Variants in LRCH1 observed in about 807,000 individuals in gnomAD.
LRCH1 encodes leucine rich repeats and calponin homology domain containing 1.
LRCH1 carries 23 observed loss-of-function variants against 94.9 expected under a neutral mutation model. The observed-to-expected ratio is 0.24, with a 90% CI of 0.17 to 0.34. LRCH1 has a LOEUF of 0.34. Among genes scored for constraint, LRCH1 ranks in the 10% least tolerant of loss-of-function variants. The pLI is 1.00. For synonymous variants in LRCH1, 364 were observed against 354.9 expected (o/e 1.03, Z -0.29); for missense variants, 790 against 945.9 (o/e 0.84, Z 2.16).
intron 1 of LRCH1, among the ~76,000 whole-genome samples, chr13:46,604,630 CCTCTGATGTT>C (rs1469879060): frequency 6.6e-6 from 1 of 152,176 alleles, no homozygotes; most frequent in Non-Finnish European, 1.5e-5. Context: ...CTGCCCTCAG[CCTCTGATGTT>C]CTACAAGGTT....
chr13:46,580,239 C>G (rs1251801807), intron 1 of LRCH1, among the ~76,000 whole-genome samples: 1 of 152,196 alleles, frequency 6.6e-6, no homozygotes. Context: ...CTGATCATAT[C>G]TCTTGTCATC....
intron 1 of LRCH1, among the ~76,000 whole-genome samples, chr13:46,563,049 C>A (rs1014039714): frequency 6.6e-6 from 1 of 151,404 alleles, no homozygotes; most frequent in Non-Finnish European, 1.5e-5. Context: ...TGCAAGTGTT[C>A]GATAAGCAAT....
intron 1 of LRCH1, among the ~76,000 whole-genome samples, chr13:46,616,690 A>G (rs1048210675): frequency 6.6e-6 from 1 of 152,210 alleles, no homozygotes; most frequent in Non-Finnish European, 1.5e-5. Flanking sequence ...TGCCTTTTAG[A>G]GACGGCACCA....
chr13:46,746,133 G>T (rs1873901197), downstream of LRCH1, among the ~76,000 whole-genome samples: 1 of 152,210 alleles, frequency 6.6e-6, no homozygotes, highest in Admixed American at 6.5e-5. Flanking sequence ...GACACATGTA[G>T]TTCAAACCCT....
chr13:46,662,060 A>C (rs1363920274), intron 2 of LRCH1, among the ~76,000 whole-genome samples: 1 of 152,118 alleles, frequency 6.6e-6, no homozygotes, highest in Non-Finnish European at 1.5e-5. Flanking sequence ...AAAATACAAA[A>C]ATTAGCTGGG....
chr13:46,598,585 T>G (rs1166523394), intron 1 of LRCH1, among the ~76,000 whole-genome samples: 1 of 112,900 alleles, frequency 8.9e-6, no homozygotes, highest in Non-Finnish European at 1.8e-5. Flanking sequence ...GTTTCACCAC[T>G]AACAACAACA....
intron 1 of LRCH1, among the ~76,000 whole-genome samples, chr13:46,607,208 C>T (rs1020581836): frequency 6.6e-6 from 1 of 152,160 alleles, no homozygotes; most frequent in African/African-American, 2.4e-5. Flanking sequence ...TTAACTTGCC[C>T]TGTAATTGAT....
At chr13:46,695,955 C>T (rs987996825) in intron 9 of LRCH1, among the ~76,000 whole-genome samples, 4 of 152,186 alleles carry the variant, frequency 2.6e-5, no homozygotes, top group African/African-American at 7.2e-5. Flanking sequence ...TTATAGATTA[C>T]AGAAGTTGTG....
intron 1 of LRCH1, among the ~76,000 whole-genome samples, chr13:46,646,012 C>T (rs9562675): frequency 1.3e-5 from 2 of 152,142 alleles, no homozygotes; most frequent in African/African-American, 2.4e-5. Context: ...TATAAGTTTT[C>T]GGGGCAAACT....
At chr13:46,729,475 C>T (rs925464877) in intron 18 of LRCH1, among the ~76,000 whole-genome samples, 111 of 151,278 alleles carry the variant, frequency 7.3e-4, no homozygotes, top group Non-Finnish European at 7.4e-5. Context: ...TTGCTTGAGC[C>T]CAGGAGTTCA....
rs757460136 is a variant in LRCH1, at chr13:46,692,613, C to T, written c.1092C>T (p.Asp364=). 3.7e-6 allele frequency: 6 copies of T among 1,613,868 alleles called. No homozygotes were observed. Among genetic ancestry groups the T allele is most frequent in the Admixed American group, 3.3e-5 (2 of 59,988 alleles). The change falls in exon 8 of 20, where the codon GAC becomes GAT. Residue 364 remains aspartate, a synonymous_variant. Transcript: ENST00000389797. ...IMEEEQIIKE[D]SCHRLSPVKG... The stretch of plus-strand genomic sequence containing the variant: ...AAGAAGAACAGATCATCAAGGAGGA[C>T]TCGTGCCATCGCCTTAGCCCCGTTA...
At chr13:46,701,747 C>T (rs569688050) in intron 11 of LRCH1, among the ~76,000 whole-genome samples, 4 of 152,098 alleles carry the variant, frequency 2.6e-5, no homozygotes, top group Admixed American at 2.0e-4. Flanking sequence ...TAATATTTTT[C>T]GATTTCTTAA....
In LRCH1 at chr13:46,715,677, G is replaced by A; in HGVS notation, c.1759+13G>A. On this transcript the variant is annotated intron_variant, in intron 16 of 19. Transcript: ENST00000389797. ...GACAGTGACAATGGTAGGTGGCTTT[G>A]TACCTATTCTCCAATGTTCTCATTA... 1.4e-6 allele frequency: 2 copies of A among 1,469,258 alleles called. No individual in the cohort carries two copies. Among genetic ancestry groups the A allele is most frequent in the Non-Finnish European group, 1.8e-6 (2 of 1,084,858 alleles). The allele number at this position is 1,469,258 out of a possible 1,614,324, so 91.0% of individuals were successfully genotyped here. A position where few individuals can be genotyped will look rare whatever the true frequency, so the allele number is the denominator to read the frequency against.
At chr13:46,715,689 C>T in intron 16 of LRCH1, 25 bp downstream of exon 16, 1 of 1,386,138 alleles carries the variant, frequency 7.2e-7, no homozygotes, top group East Asian at 2.5e-5. Context: ...ACCTATTCTC[C>T]AATGTTCTCA....
In LRCH1 at chr13:46,687,902, A is replaced by T. The variant is rs1278873027; in HGVS notation, c.873A>T (p.Ala291=). The T allele has an allele frequency of 2.5e-6, 4 of 1,613,344 alleles. No homozygotes were observed. Among genetic ancestry groups the T allele is most frequent in the Admixed American group, 1.7e-5 (1 of 59,936 alleles). The change falls in exon 6 of 20, where the codon GCA becomes GCT. Residue 291 remains alanine, a synonymous_variant. Transcript: ENST00000389797. ...VHIFKYLSIQ[A]CQIKTADSLY... is the part of the protein sequence containing the mutation. Reference sequence around the variant, plus strand: ...TATTTAAGTATCTGAGCATACAAGCATGCCAGATTAAGACAGCTGACTCCC... The same window carrying T: ...TATTTAAGTATCTGAGCATACAAGCTTGCCAGATTAAGACAGCTGACTCCC...
chr13:46,710,570 A>G (rs1872010025), intron 13 of LRCH1, among the ~76,000 whole-genome samples: 1 of 152,194 alleles, frequency 6.6e-6, no homozygotes, highest in Admixed American at 6.5e-5. Context: ...TAGAGGAAAG[A>G]ATTGCTTATA....
intron 1 of LRCH1, among the ~76,000 whole-genome samples, chr13:46,556,263 T>C (rs1015120403): frequency 1.3e-5 from 2 of 152,210 alleles, no homozygotes; most frequent in African/African-American, 4.8e-5. Flanking sequence ...TGTGCAGAAC[T>C]GCACCTGGGC....
At chr13:46,750,828 G>C in exon 19 of LRCH1, 1 of 477,178 alleles carries the variant, frequency 2.1e-6, no homozygotes, top group Non-Finnish European at 3.7e-6. Flanking sequence ...GCTGACCTCC[G>C]ACTTTAAGAC....
At chr13:46,746,775 A>C (rs1173280103), downstream of LRCH1, among the ~76,000 whole-genome samples, 4 of 152,074 alleles carry the variant, frequency 2.6e-5, no homozygotes, top group Admixed American at 2.6e-4. Context: ...ACCATGATTC[A>C]TTCCTAAGTC....
Sources: gnomAD v4.1 joint callset for allele counts (sites outside exome capture counted in the v4.1 genomes callset) on GRCh38, gnomAD v4.1.1 for gene constraint, MANE v1.5 for transcripts, NCBI Gene and HGNC (gene_info 2026-07-23, HGNC 2026-07-21) for gene names.